AFF3: variants seen among roughly 807,000 people sequenced by gnomAD.
AFF3 encodes AF4/FMR2 family member 3.
In AFF3, 32 loss-of-function variants were observed where a neutral mutation model predicts 129.7. That is an observed-to-expected ratio of 0.25 (90% CI 0.19 to 0.33). The LOEUF is 0.33. Among genes scored for constraint, AFF3 ranks in the 10% least tolerant of loss-of-function variants. The probability of loss-of-function intolerance (pLI) is 1.00; values close to 1 mark genes in which losing one functional copy is unlikely to be tolerated. For synonymous variants in AFF3, 644 were observed against 635.4 expected (o/e 1.01, Z -0.20); for missense variants, 1,373 against 1,592.0 (o/e 0.86, Z 2.34).
intron 7 of AFF3, among the ~76,000 whole-genome samples, chr2:99,992,682 A>G (rs779787280): frequency 1.1e-4 from 16 of 152,238 alleles, no homozygotes; most frequent in Non-Finnish European, 2.2e-4. Flanking sequence ...ACAACTAACT[A>G]CTAAACACCT....
intron 7 of AFF3, among the ~76,000 whole-genome samples, chr2:99,865,760 C>G (rs968412625): frequency 6.6e-6 from 1 of 152,088 alleles, no homozygotes; most frequent in Non-Finnish European, 1.5e-5. Flanking sequence ...GGAAGGTGTT[C>G]AAAGAAGAGG....
chr2:99,758,553 T>C lies in AFF3; in HGVS notation c.922-6252A>G, dbSNP rs1682308636. Among the ~76,000 whole-genome samples the C allele has an allele frequency of 2.4e-5, 3 of 125,736 alleles. No individual in the cohort carries two copies. In the South Asian group the frequency reaches 8.0e-4, roughly 34 times the overall value. 82.5% of individuals were successfully genotyped at this position (125,736 alleles called of 152,430 possible). A position where few individuals can be genotyped will look rare whatever the true frequency, so the allele number is the denominator to read the frequency against. ...GTGAGCCGAAATCATGCCACTGCAC[T>C]CCAGGCTGGGTGACAGAGCGAGACT... On this transcript the variant is annotated intron_variant, in intron 8 of 24. Coordinates refer to ENST00000672756, the MANE Select transcript of AFF3 (RefSeq NM_001386135.1).
chr2:99,969,687 G>C (rs1254197527), intron 7 of AFF3, among the ~76,000 whole-genome samples: 7 of 151,974 alleles, frequency 4.6e-5, no homozygotes, highest in Admixed American at 3.9e-4. Context: ...TGTTTTAGTA[G>C]AGATGGGGTT....
At chr2:99,607,120 C>T (rs1259339154) in intron 13 of AFF3, among the ~76,000 whole-genome samples, 1 of 152,062 alleles carries the variant, frequency 6.6e-6, no homozygotes, top group Admixed American at 6.6e-5. Flanking sequence ...CCAAATACAC[C>T]TTTGAGAGGG....
At chr2:99,724,271 C>CTTTTTGTTTTTTTTTTT (rs1679166322) in intron 11 of AFF3, among the ~76,000 whole-genome samples, 1 of 66,862 alleles carries the variant, frequency 1.5e-5, no homozygotes, top group Non-Finnish European at 2.5e-5. Flanking sequence ...AATGACCTTT[C>CTTTTTGTTTTTTTTTTT]TTTTTTTTTT....
At chr2:99,647,125 T>C (rs1046385039) in intron 13 of AFF3, among the ~76,000 whole-genome samples, 1 of 152,228 alleles carries the variant, frequency 6.6e-6, no homozygotes, top group African/African-American at 2.4e-5. Context: ...AGAAATACCA[T>C]TTGATCCAGC....
chr2:99,619,622 C>T (rs56369528), intron 13 of AFF3, among the ~76,000 whole-genome samples: 13,341 of 152,206 alleles, frequency 0.088, 690 homozygotes, highest in East Asian at 0.12. Context: ...TAAGGAGGGG[C>T]GTGCCCGGGA....
chr2:100,052,539 A>G (rs1686425660), intron 4 of AFF3, among the ~76,000 whole-genome samples: 1 of 152,102 alleles, frequency 6.6e-6, no homozygotes. Context: ...CCGTGTTAAC[A>G]GCAAACTTTC....
chr2:99,930,261 G>A (rs1174179679), intron 7 of AFF3, among the ~76,000 whole-genome samples: 4 of 152,172 alleles, frequency 2.6e-5, no homozygotes, highest in African/African-American at 4.8e-5. Flanking sequence ...TGAACAGCTG[G>A]TCCCCTTCCA....
intron 7 of AFF3, among the ~76,000 whole-genome samples, chr2:99,947,601 AAGATAGAT>A (rs70940190): frequency 0.21 from 29,076 of 135,824 alleles, 3,068 homozygotes; most frequent in Non-Finnish European, 0.23. Flanking sequence ...GAAAGAAAGA[AAGATAGAT>A]AGATAGATAG....
chr2:99,660,556 T>C (rs1402320797), intron 12 of AFF3, among the ~76,000 whole-genome samples: 3 of 152,256 alleles, frequency 2.0e-5, no homozygotes, highest in Non-Finnish European at 4.4e-5. Flanking sequence ...GATTTATATG[T>C]GAAAGTGCTT....
chr2:100,003,417 C>A (rs1681619054), intron 7 of AFF3, among the ~76,000 whole-genome samples: 1 of 152,188 alleles, frequency 6.6e-6, no homozygotes, highest in African/African-American at 2.4e-5. Flanking sequence ...ATTCGTTAGT[C>A]CCTGGTCTCT....
At chr2:100,052,602 C>G (rs990016721) in intron 4 of AFF3, among the ~76,000 whole-genome samples, 7 of 152,180 alleles carry the variant, frequency 4.6e-5, no homozygotes, top group African/African-American at 1.7e-4. Context: ...GTCTCCAGTC[C>G]TCCCTTACCC....
chr2:99,909,560 C>T (rs1408662421), intron 7 of AFF3, among the ~76,000 whole-genome samples: 2 of 150,990 alleles, frequency 1.3e-5, no homozygotes, highest in African/African-American at 2.4e-5. Flanking sequence ...ACATATGTAA[C>T]AAACCCACAC....
At chr2:99,716,433 C>T (rs767999154) in intron 11 of AFF3, among the ~76,000 whole-genome samples, 13 of 152,104 alleles carry the variant, frequency 8.5e-5, no homozygotes, top group South Asian at 2.1e-4. Context: ...GACATTAGTT[C>T]GCCTCTTTCT....
chr2:100,023,154 T>C (rs1308514512), intron 4 of AFF3, among the ~76,000 whole-genome samples: 1 of 152,222 alleles, frequency 6.6e-6, no homozygotes, highest in Non-Finnish European at 1.5e-5. Context: ...ATTTGTAGAA[T>C]GGATGGATGA....
intron 13 of AFF3, among the ~76,000 whole-genome samples, chr2:99,644,006 C>A (rs1684460414): frequency 6.6e-6 from 1 of 152,236 alleles, no homozygotes. Context: ...AAGCCAAGAG[C>A]ACAGCCACAC....
At chr2:99,640,714 T>C (rs909327978) in intron 13 of AFF3, among the ~76,000 whole-genome samples, 2 of 152,248 alleles carry the variant, frequency 1.3e-5, no homozygotes, top group Middle Eastern at 3.4e-3. Context: ...TAAGTCATGA[T>C]TGAGCAGTCA....
rs540441950 is a variant in AFF3, at chr2:99,575,414, ATTTTT to A, written c.2918+2908_2918+2912del. 3.1e-5 allele frequency among the ~76,000 whole-genome samples: 4 copies of A among 127,452 alleles called. 1 individual carries two copies. The highest frequency in any genetic ancestry group is 2.5e-4 in the South Asian group (1 of 3,984). 83.6% of individuals were successfully genotyped at this position (127,452 alleles called of 152,430 possible). A position where few individuals can be genotyped will look rare whatever the true frequency, so the allele number is the denominator to read the frequency against. On this transcript the variant is annotated intron_variant, in intron 18 of 24. Coordinates refer to ENST00000672756, the MANE Select transcript of AFF3 (RefSeq NM_001386135.1). ...AGCTGGGATTACAGGTGCCTGGCTA[ATTTTT>A]TTTTTTTTTTTTTGTATTTTTAGTA...
Sources: allele counts gnomAD v4.1 joint callset (sites outside exome capture counted in the v4.1 genomes callset), GRCh38; gene constraint gnomAD v4.1.1; transcripts MANE v1.5; gene names NCBI Gene and HGNC (gene_info 2026-07-23, HGNC 2026-07-21).